Variants in CALN1 observed in about 807,000 individuals in gnomAD.
The protein encoded by CALN1 is calcium-binding protein 8.
In CALN1, 17 loss-of-function variants were observed where a neutral mutation model predicts 30.6. The ratio of observed to expected loss-of-function variants is 0.56; its 90% CI spans 0.38 to 0.83. The LOEUF (loss-of-function observed/expected upper bound fraction) is 0.83, where lower values mean the gene tolerates loss of function less well. CALN1 is among the 40% of genes least tolerant of loss of function. CALN1 has a pLI of 0.00. For synonymous variants in CALN1, 156 were observed against 131.4 expected (o/e 1.19, Z -1.28); for missense variants, 291 against 354.9 (o/e 0.82, Z 1.45).
At chr7:71,832,074 T>C (rs181392061) in intron 5 of CALN1, among the ~76,000 whole-genome samples, 1 of 152,130 alleles carries the variant, frequency 6.6e-6, no homozygotes, top group African/African-American at 2.4e-5. Flanking sequence ...GAGGCTGATG[T>C]TGTCCAATTC....
intron 3 of CALN1, among the ~76,000 whole-genome samples, chr7:72,257,644 G>A (rs1233512876): frequency 1.3e-5 from 2 of 152,146 alleles, no homozygotes; most frequent in Non-Finnish European, 2.9e-5. Flanking sequence ...GTCATTCTAT[G>A]AAAAAGACAC....
At chr7:72,437,314 G>T (rs1308883690) in intron 1 of CALN1, among the ~76,000 whole-genome samples, 6 of 152,212 alleles carry the variant, frequency 3.9e-5, no homozygotes, top group South Asian at 4.2e-4. Context: ...ACTCACTAAG[G>T]CCCCTCCCTG....
At chr7:72,107,582 G>A (rs952289989) in intron 3 of CALN1, among the ~76,000 whole-genome samples, 9 of 152,082 alleles carry the variant, frequency 5.9e-5, no homozygotes, top group Middle Eastern at 3.2e-3. Context: ...TGTCAGTCCT[G>A]GATTGGATGT....
intron 1 of CALN1, among the ~76,000 whole-genome samples, chr7:72,405,468 A>T (rs571520833): frequency 6.6e-6 from 1 of 152,252 alleles, no homozygotes; most frequent in East Asian, 1.9e-4. Context: ...GTTTCCTGAG[A>T]CATATGCCCA....
intron 3 of CALN1, among the ~76,000 whole-genome samples, chr7:72,219,339 C>T (rs1202115017): frequency 6.6e-6 from 1 of 152,196 alleles, no homozygotes; most frequent in African/African-American, 2.4e-5. Flanking sequence ...GATCCTCCAA[C>T]TTCAGCCTAA....
chr7:72,392,767 G>A (rs1461637818), intron 2 of CALN1, among the ~76,000 whole-genome samples: 6 of 151,934 alleles, frequency 3.9e-5, no homozygotes, highest in African/African-American at 1.5e-4. Context: ...CTGGAGGCCA[G>A]AAGAATTCAA....
At chr7:72,150,255 C>T (rs1787129248) in intron 3 of CALN1, among the ~76,000 whole-genome samples, 1 of 151,940 alleles carries the variant, frequency 6.6e-6, no homozygotes, top group Admixed American at 6.6e-5. Flanking sequence ...CTTGAGGGGG[C>T]CTAAATTATT....
chr7:71,821,713 T>C (rs1041661766), intron 5 of CALN1, among the ~76,000 whole-genome samples: 3 of 152,080 alleles, frequency 2.0e-5, no homozygotes, highest in Non-Finnish European at 4.4e-5. Context: ...TAATGTCTTT[T>C]GGAAAAAAAT....
chr7:72,087,325 G>C (rs980604770), intron 4 of CALN1, among the ~76,000 whole-genome samples: 4 of 152,156 alleles, frequency 2.6e-5, no homozygotes, highest in Non-Finnish European at 4.4e-5. Flanking sequence ...CGAGGTCAGG[G>C]GTTTGAGACC....
chr7:72,124,124 C>A (rs1397973109), intron 3 of CALN1, among the ~76,000 whole-genome samples: 1 of 152,170 alleles, frequency 6.6e-6, no homozygotes, highest in Non-Finnish European at 1.5e-5. Context: ...CGTATTTCCC[C>A]TAAAGAGACA....
intron 3 of CALN1, among the ~76,000 whole-genome samples, chr7:72,143,823 A>T (rs1197350455): frequency 5.3e-5 from 8 of 150,232 alleles, no homozygotes; most frequent in Admixed American, 1.3e-4. Context: ...CCAATATTCA[A>T]CATTCTTAAA....
intron 2 of CALN1, among the ~76,000 whole-genome samples, chr7:72,331,752 C>G (rs564105624): frequency 3.0e-4 from 46 of 152,128 alleles, no homozygotes; most frequent in Non-Finnish European, 5.0e-4. Flanking sequence ...GTTTGTTACA[C>G]AGGTAAATGT....
At chr7:72,222,129 G>A (rs1793349780) in intron 3 of CALN1, among the ~76,000 whole-genome samples, 1 of 151,886 alleles carries the variant, frequency 6.6e-6, no homozygotes, top group Non-Finnish European at 1.5e-5. Context: ...GGGAGGCTGA[G>A]GCAGGAGCAT....
chr7:72,326,720 G>A (rs1046913045), intron 2 of CALN1, among the ~76,000 whole-genome samples: 3 of 152,168 alleles, frequency 2.0e-5, no homozygotes, highest in Non-Finnish European at 2.9e-5. Context: ...GTTTTCATGA[G>A]GTTCGGAGCA....
At chr7:72,127,072 G>C (rs1473621299) in intron 3 of CALN1, among the ~76,000 whole-genome samples, 1 of 151,776 alleles carries the variant, frequency 6.6e-6, no homozygotes, top group Non-Finnish European at 1.5e-5. Context: ...GTATTTAAGT[G>C]GTACCATTCC....
intron 5 of CALN1, among the ~76,000 whole-genome samples, chr7:71,884,626 C>A (rs546734454): frequency 1.3e-5 from 2 of 152,128 alleles, no homozygotes; most frequent in East Asian, 3.9e-4. Flanking sequence ...CGCAAATTCC[C>A]AGTTAAGGGG....
chr7:72,382,202 G>A (rs1224446995), intron 2 of CALN1, among the ~76,000 whole-genome samples: 1 of 152,148 alleles, frequency 6.6e-6, no homozygotes, highest in Non-Finnish European at 1.5e-5. Flanking sequence ...TTCCAGCTGT[G>A]ACCCAGTAAT....
chr7:72,361,133 T>A (rs1311149370), intron 2 of CALN1, among the ~76,000 whole-genome samples: 1 of 152,134 alleles, frequency 6.6e-6, no homozygotes, highest in African/African-American at 2.4e-5. Flanking sequence ...TTTTGTAATT[T>A]AAATTCTCCA....
chr7:72,189,458 T>C (rs1267736691), intron 3 of CALN1, among the ~76,000 whole-genome samples: 1 of 152,216 alleles, frequency 6.6e-6, no homozygotes, highest in African/African-American at 2.4e-5. Context: ...TGGACATTAT[T>C]AAATCAAGTT....
Sources: gnomAD v4.1 joint callset for allele counts (sites outside exome capture counted in the v4.1 genomes callset) on GRCh38, gnomAD v4.1.1 for gene constraint, MANE v1.5 for transcripts, NCBI Gene and HGNC (gene_info 2026-07-23, HGNC 2026-07-21) for gene names.